NF1: variants seen among roughly 807,000 people sequenced by gnomAD.
NF1 encodes neurofibromin 1.
A neutral mutation model predicts 325.7 loss-of-function variants in NF1; 122 were observed. The observed-to-expected ratio is 0.37, with a 90% confidence interval of 0.32 to 0.44. NF1 has a LOEUF of 0.44. Ranked by LOEUF, NF1 falls within the 20% of genes least tolerant of loss-of-function variation. The pLI is 1.00. For synonymous variants in NF1, 1,091 were observed against 1,186.0 expected (o/e 0.92, Z 1.65); for missense variants, 2,140 against 3,415.4 (o/e 0.63, Z 9.31).
intron 36 of NF1, chr17:31,296,489 C>A: frequency 1.4e-6 from 1 of 729,664 alleles, no homozygotes; most frequent in South Asian, 1.6e-5. Flanking sequence ...CAAAGCTCCC[C>A]TTCATTTATA....
At chr17:31,265,613 AC>A (rs1355404866) in intron 36 of NF1, among the ~76,000 whole-genome samples, 1 of 151,948 alleles carries the variant, frequency 6.6e-6, no homozygotes, top group East Asian at 1.9e-4. Flanking sequence ...AGAGTTAAAA[AC>A]CCACAAAGAA....
chr17:31,186,830 G>A (rs1394689551), intron 8 of NF1, among the ~76,000 whole-genome samples: 1 of 152,210 alleles, frequency 6.6e-6, no homozygotes, highest in African/African-American at 2.4e-5. Flanking sequence ...TAGCAACGTG[G>A]ACTTCACTCA....
At chr17:31,315,229 TAAG>T (rs2068990274) in intron 36 of NF1, among the ~76,000 whole-genome samples, 1 of 152,256 alleles carries the variant, frequency 6.6e-6, no homozygotes, top group Admixed American at 6.5e-5. Context: ...ATTTTTTAAA[TAAG>T]AAGTTAACTA....
chr17:31,311,782 T>G (rs916164476), intron 36 of NF1, among the ~76,000 whole-genome samples: 1 of 152,204 alleles, frequency 6.6e-6, no homozygotes, highest in African/African-American at 2.4e-5. Flanking sequence ...ATGCTAATCT[T>G]GTGCCAGAAC....
chr17:31,304,152 C>G, intron 36 of NF1: 1 of 1,116,926 alleles, frequency 9.0e-7, no homozygotes, highest in Non-Finnish European at 1.3e-6. Flanking sequence ...TCAGATAGTT[C>G]CTGAATAAAA....
intron 57 of NF1, among the ~76,000 whole-genome samples, chr17:31,364,703 T>A (rs1212647087): frequency 6.6e-6 from 1 of 152,214 alleles, no homozygotes; most frequent in Non-Finnish European, 1.5e-5. Flanking sequence ...AGTCTACATA[T>A]AAAAGTACCT....
At chr17:31,370,278 G>A (rs1031986477) in intron 57 of NF1, among the ~76,000 whole-genome samples, 2 of 152,114 alleles carry the variant, frequency 1.3e-5, no homozygotes, top group African/African-American at 4.8e-5. Flanking sequence ...CAAGTCACTC[G>A]TACTTTTACA....
intron 57 of NF1, among the ~76,000 whole-genome samples, chr17:31,371,855 T>C (rs1057075604): frequency 1.3e-5 from 2 of 152,202 alleles, no homozygotes; most frequent in Non-Finnish European, 2.9e-5. Flanking sequence ...AGTTCAGATT[T>C]TCAAGACAGC....
At chr17:31,108,824 G>A (rs1450830532) in intron 1 of NF1, among the ~76,000 whole-genome samples, 1 of 152,096 alleles carries the variant, frequency 6.6e-6, no homozygotes, top group Non-Finnish European at 1.5e-5. Context: ...TTAACAGGGG[G>A]GCAAGCCAAG....
At position 31,375,384 on chromosome 17, in the gene NF1, G is replaced by C. The variant is rs932595159; in HGVS notation, c.*1229G>C. 8 of 231,114 alleles carry C rather than the reference G, an allele frequency of 3.5e-5. No homozygotes were observed. Among genetic ancestry groups the C allele is most frequent in the Non-Finnish European group, 5.1e-5 (6 of 116,552 alleles). The allele number at this position is 231,114 out of a possible 1,614,324, so 14.3% of individuals were successfully genotyped here. A position where few individuals can be genotyped will look rare whatever the true frequency, so the allele number is the denominator to read the frequency against. Reference sequence around the variant, plus strand: ...AAGACTGGTCAGCCTGCATTAGTATGACAGTAGGGGGGCTGTTAGAATTGC... The same window carrying C: ...AAGACTGGTCAGCCTGCATTAGTATCACAGTAGGGGGGCTGTTAGAATTGC... On this transcript the variant is annotated 3_prime_UTR_variant, in exon 58 of 58. Coordinates refer to ENST00000358273, the MANE Select transcript of NF1 (RefSeq NM_001042492.3).
chr17:31,223,962 AT>A lies in NF1; in HGVS notation c.1845+397del, dbSNP rs143899462. ...ATAGCTTCTGTAATTTAAGAATTCT[AT>A]TATGGCGTAGATTTGGGAGTACTTG... On this transcript the variant is annotated intron_variant, in intron 16 of 57. Coordinates refer to ENST00000358273, the MANE Select transcript of NF1 (RefSeq NM_001042492.3). 7.8e-3 allele frequency among the ~76,000 whole-genome samples: 1,191 copies of A among 152,294 alleles called. 21 individuals are homozygous for A. The highest frequency in any genetic ancestry group is 0.027 in the African/African-American group (1,141 of 41,574).
At chr17:31,362,612 A>C (rs1361543439) in intron 57 of NF1, among the ~76,000 whole-genome samples, 1 of 152,096 alleles carries the variant, frequency 6.6e-6, no homozygotes, top group East Asian at 1.9e-4. Flanking sequence ...TAAGCCCACC[A>C]GTTCTTTTTT....
At chr17:31,141,343 C>G (rs1597609120) in intron 1 of NF1, among the ~76,000 whole-genome samples, 1 of 151,394 alleles carries the variant, frequency 6.6e-6, no homozygotes, top group East Asian at 1.9e-4. Flanking sequence ...AAATACTTAC[C>G]AGAAATTCTA....
intron 36 of NF1, among the ~76,000 whole-genome samples, chr17:31,273,915 C>G (rs2067952678): frequency 6.6e-6 from 1 of 152,138 alleles, no homozygotes; most frequent in Non-Finnish European, 1.5e-5. Context: ...GATGAATTTA[C>G]TATTTTGCCT....
intron 5 of NF1, among the ~76,000 whole-genome samples, chr17:31,179,774 C>T (rs1312398094): frequency 2.7e-5 from 4 of 149,752 alleles, no homozygotes; most frequent in African/African-American, 9.9e-5. Flanking sequence ...CAGAGCAAGA[C>T]TCTGTTTAAA....
intron 36 of NF1, among the ~76,000 whole-genome samples, chr17:31,290,727 C>T (rs2068328099): frequency 2.6e-5 from 4 of 152,094 alleles, no homozygotes; most frequent in South Asian, 4.1e-4. Flanking sequence ...TAATATCGGC[C>T]GGGCACGGTG....
intron 45 of NF1, 118 bp from the exon 46 acceptor site, chr17:31,338,586 A>G (rs769986323): frequency 2.8e-4 from 203 of 728,208 alleles, no homozygotes; most frequent in Middle Eastern, 3.8e-4. Flanking sequence ...ATAGCATGAG[A>G]AATCATTCTA....
intron 57 of NF1, among the ~76,000 whole-genome samples, chr17:31,373,222 T>A (rs2070678557): frequency 2.0e-5 from 3 of 152,180 alleles, no homozygotes; most frequent in Admixed American, 6.5e-5. Context: ...ATTAAAAAAA[T>A]AAAAGCATCT....
At chr17:31,248,878 C>A in intron 29 of NF1, 106 bp from the exon 30 acceptor site, 1 of 994,266 alleles carries the variant, frequency 1.0e-6, no homozygotes, top group Non-Finnish European at 1.5e-6. Flanking sequence ...ATGAAGTCTA[C>A]ACGTTGCACT....
Sources: gnomAD v4.1 joint callset for allele counts (sites outside exome capture counted in the v4.1 genomes callset) on GRCh38, gnomAD v4.1.1 for gene constraint, MANE v1.5 for transcripts, NCBI Gene and HGNC (gene_info 2026-07-23, HGNC 2026-07-21) for gene names.